The following LARGE2 variants were observed in gnomAD, a reference collection of about 807,000 sequenced individuals.
LARGE2 encodes LARGE xylosyl- and glucuronyltransferase 2.
LARGE2 carries 63 observed loss-of-function variants against 75.3 expected under a neutral mutation model. That is an observed-to-expected ratio of 0.84 (90% CI 0.68 to 1.03). LARGE2 has a LOEUF of 1.03. Ranked by LOEUF, LARGE2 falls within the 50% of genes least tolerant of loss-of-function variation. The pLI, the probability that LARGE2 is intolerant of heterozygous loss-of-function variation, is 0.00. For synonymous variants in LARGE2, 428 were observed against 420.1 expected, an observed-to-expected ratio of 1.02 and a Z score of -0.23; for missense variants, 925 against 980.6, an observed-to-expected ratio of 0.94 and a Z score of 0.76.
Position 45,923,555 on chromosome 11 carries a change from G to A in LARGE2, c.368G>A (p.Arg123Lys). ...ITLVKSMLFY[R>K]KNPLHLHLVT... is the part of the protein sequence containing the mutation. Reference sequence around the variant, plus strand: ...CTGGTGAAGTCCATGCTCTTCTACAGGTACAGCCAGGTGTCCGTGGAGGAG... The same window carrying A: ...CTGGTGAAGTCCATGCTCTTCTACAAGTACAGCCAGGTGTCCGTGGAGGAG... Residue 123 changes from arginine (R) to lysine (K), a missense_variant and splice_region_variant, in exon 3 of 14, where the codon AGG becomes AAG. Coordinates refer to ENST00000401752, the MANE Select transcript of LARGE2 (RefSeq NM_001300721.2). The A allele has an allele frequency of 6.2e-7, 1 of 1,613,572 alleles. No individual in the cohort carries two copies.
At position 45,926,154 on chromosome 11, in the gene LARGE2, C is replaced by CT. The variant is rs2087133360; in HGVS notation, c.882+4dup. 6.3e-7 allele frequency: 1 copy of CT among 1,595,552 alleles called. No individual in the cohort carries two copies. The highest frequency in any genetic ancestry group is 2.3e-5 in the East Asian group (1 of 43,714). On this transcript the variant is annotated splice_donor_region_variant and intron_variant, in intron 7 of 13. Transcript: ENST00000401752. Reference sequence around the variant, plus strand: ...CTGCCACCTCACTGGCTGACCAGGTCTGAGGAAGCCTTGCCGGGTGGGGTG... The same window carrying CT: ...CTGCCACCTCACTGGCTGACCAGGTCTTGAGGAAGCCTTGCCGGGTGGGGTG...
chr11:45,923,495 G>A lies in LARGE2; in HGVS notation c.308G>A (p.Cys103Tyr). ...KCELLHVAIV[C>Y]AGHNSSRDVI... ...CAGCTCTTGCATGTGGCCATCGTGT[G>A]TGCGGGGCATAACTCCAGCCGAGAC... Residue 103 changes from cysteine to tyrosine, a missense_variant, in exon 3 of 14, where the codon TGT becomes TAT. By Grantham distance (194) the Cys-to-Tyr change is radical (BLOSUM62 -2). Coordinates refer to ENST00000401752, the MANE Select transcript of LARGE2 (RefSeq NM_001300721.2). 6.2e-7 allele frequency: 1 copy of A among 1,613,846 alleles called. No individual in the cohort carries two copies. The highest frequency in any genetic ancestry group is 8.5e-7 in the Non-Finnish European group (1 of 1,180,004).
In LARGE2 at chr11:45,924,494, T is replaced by C; in HGVS notation, c.493-12T>C. On this transcript the variant is annotated splice_polypyrimidine_tract_variant and intron_variant, in intron 4 of 13. Coordinates refer to ENST00000401752, the MANE Select transcript of LARGE2 (RefSeq NM_001300721.2). Reference sequence around the variant, plus strand: ...TCTCTGCCATCTCATCTCCTGCCTTTCCCCCACACAGCCCCAGGTCTCCTG... The same window carrying C: ...TCTCTGCCATCTCATCTCCTGCCTTCCCCCCACACAGCCCCAGGTCTCCTG... 1 of 1,608,644 alleles carries C rather than the reference T, an allele frequency of 6.2e-7. No individual in the cohort carries two copies. The highest frequency in any genetic ancestry group is 8.5e-7 in the Non-Finnish European group (1 of 1,176,746).
chr11:45,923,240 G>A (rs1323526813), intron 2 of LARGE2, 73 bp downstream of exon 2: 1 of 1,303,332 alleles, frequency 7.7e-7, no homozygotes, highest in Admixed American at 3.9e-5. Context: ...GGACATCTGC[G>A]GGAATCACAG....
Position 45,926,083 on chromosome 11 carries a change from G to A in LARGE2, c.814G>A (p.Glu272Lys), listed in dbSNP as rs1376896085. Residue 272 changes from glutamate to lysine, a missense_variant, in exon 7 of 14, where the codon GAG becomes AAG. Physicochemically the swap from Glu to Lys is moderately conservative, Grantham distance 56. Around this residue, in one of 3 missense-constraint regions of LARGE2, gnomAD observed 453 missense variants for 460.2 expected, o/e 0.98. Transcript: ENST00000401752. Reference sequence around the variant, plus strand: ...GGACCGGCTCCGGCAGGCTGGCTGGGAGCAGATGTGGAGGCTGACAGCCAG... The same window carrying A: ...GGACCGGCTCCGGCAGGCTGGCTGGAAGCAGATGTGGAGGCTGACAGCCAG... ...RLDRLRQAGW[E>K]QMWRLTARRE... is the part of the protein sequence containing the mutation. 5 of 1,562,056 alleles carry A rather than the reference G, an allele frequency of 3.2e-6. No individual in the cohort carries two copies. Among genetic ancestry groups the A allele is most frequent in the Non-Finnish European group, 4.3e-6 (5 of 1,153,578 alleles).
intron 2 of LARGE2, 21 bp from the exon 3 acceptor site, chr11:45,923,452 G>C (rs974882581): frequency 1.2e-6 from 2 of 1,610,914 alleles, no homozygotes; most frequent in South Asian, 1.1e-5. Context: ...GGCTGCTGCC[G>C]ACCTGGGCGT....
In LARGE2 at chr11:45,923,129, G is replaced by C; in HGVS notation, c.247G>C (p.Asp83His). 3 of 1,360,450 alleles carry C rather than the reference G, an allele frequency of 2.2e-6. No individual in the cohort carries two copies. The highest frequency in any genetic ancestry group is 2.8e-6 in the Non-Finnish European group (3 of 1,065,206). The allele number at this position is 1,360,450 out of a possible 1,614,324, so 84.3% of individuals were successfully genotyped here. The change falls in exon 2 of 14, where the codon GAC (aspartate) becomes CAC (histidine). Residue 83 changes from aspartate (D) to histidine (H), a missense_variant. Physicochemically the swap from Asp to His is moderately conservative, Grantham distance 81 (BLOSUM62 -1). Coordinates refer to ENST00000401752, the MANE Select transcript of LARGE2 (RefSeq NM_001300721.2). ...CGGCCCCGGGGACCACAACCGCTCCGACTGCGGCCCGCAGCCGCCGCCGCC... is the reference window on the plus strand; with the variant it reads ...CGGCCCCGGGGACCACAACCGCTCCCACTGCGGCCCGCAGCCGCCGCCGCC... ...GAGPGDHNRS[D>H]CGPQPPPPPK...
In LARGE2 at chr11:45,926,364, G is replaced by T. The variant is rs1429089864; in HGVS notation, c.1008+17G>T. 2 of 1,614,026 alleles carry T rather than the reference G, an allele frequency of 1.2e-6. No homozygotes were observed. Among genetic ancestry groups the T allele is most frequent in the Non-Finnish European group, 1.7e-6 (2 of 1,179,994 alleles). ...GACCTCAAGGTGAGTGGGACAAGAG[G>T]CTGTGTGGTGGTGGGGGGCCATGGA... is the stretch of plus-strand genomic sequence containing the variant. On this transcript the variant is annotated intron_variant, in intron 8 of 13. Coordinates refer to ENST00000401752, the MANE Select transcript of LARGE2 (RefSeq NM_001300721.2).
chr11:45,924,593 C>G lies in LARGE2; in HGVS notation c.580C>G (p.Leu194Val), dbSNP rs887768124. 6.2e-7 allele frequency: 1 copy of G among 1,614,112 alleles called. No homozygotes were observed. Among genetic ancestry groups the G allele is most frequent in the Non-Finnish European group, 8.5e-7 (1 of 1,180,030 alleles). The change falls in exon 5 of 14, where the codon CTG (leucine) becomes GTG (valine). Residue 194 changes from leucine to valine, a missense_variant. Coordinates refer to ENST00000401752, the MANE Select transcript of LARGE2 (RefSeq NM_001300721.2). ...LVLPSALPAE[L>V]ARVIVLDTDV... ...GCTGCCCAGTGCCTTGCCTGCTGAG[C>G]TGGCCCGCGTCATTGTCCTGGACAC...
chr11:45,923,137 C>T lies in LARGE2; in HGVS notation c.255C>T (p.Gly85=). ...GPGDHNRSDC[G]PQPPPPPKCE... is the part of the protein sequence containing the mutation. ...GGGACCACAACCGCTCCGACTGCGG[C>T]CCGCAGCCGCCGCCGCCGCCCAAGT... is the stretch of plus-strand genomic sequence containing the variant. The change falls in exon 2 of 14, where the codon GGC becomes GGT. Residue 85 remains glycine, a synonymous_variant. Coordinates refer to ENST00000401752, the MANE Select transcript of LARGE2 (RefSeq NM_001300721.2). 7.4e-7 allele frequency: 1 copy of T among 1,351,344 alleles called. No homozygotes were observed. The highest frequency in any genetic ancestry group is 9.4e-7 in the Non-Finnish European group (1 of 1,060,440). 83.7% of individuals were successfully genotyped at this position (1,351,344 alleles called of 1,614,324 possible).
Position 45,928,273 on chromosome 11 carries a change from A to G in LARGE2, c.1851A>G (p.Glu617=), listed in dbSNP as rs1286380682. The G allele has an allele frequency of 2.0e-5, 32 of 1,613,654 alleles. No individual in the cohort carries two copies. Among genetic ancestry groups the G allele is most frequent in the Non-Finnish European group, 2.7e-5 (32 of 1,179,958 alleles). Residue 617 remains glutamate (E), a synonymous_variant, in exon 13 of 14, where the codon GAA becomes GAG. Coordinates refer to ENST00000401752, the MANE Select transcript of LARGE2 (RefSeq NM_001300721.2). The part of the protein sequence containing the change: ...PYRVQWAANY[E]PYVVVPRDCP... ...GTGTGCAATGGGCGGCCAACTATGA[A>G]CCCTACGTGGTGGTGCCACGAGACT...
intron 3 of LARGE2, among the ~76,000 whole-genome samples, chr11:45,923,768 C>T (rs2134720461): frequency 6.6e-6 from 1 of 151,880 alleles, no homozygotes; most frequent in South Asian, 2.1e-4. Flanking sequence ...GGGCGGATCA[C>T]GAGGTCAGGA....
At chr11:45,923,212 C>T (rs1298568794) in intron 2 of LARGE2, 45 bp downstream of exon 2, 19 of 1,318,120 alleles carry the variant, frequency 1.4e-5, no homozygotes, top group Middle Eastern at 2.8e-4. Context: ...GGGGCGCCGC[C>T]CCCGAGCCCG....
chr11:45,923,110 C>A lies in LARGE2; in HGVS notation c.228C>A (p.Pro76=). The A allele has an allele frequency of 7.2e-7, 1 of 1,392,582 alleles. No individual in the cohort carries two copies. The allele number at this position is 1,392,582 out of a possible 1,614,324, so 86.3% of individuals were successfully genotyped here. A position where few individuals can be genotyped will look rare whatever the true frequency, so the allele number is the denominator to read the frequency against. ...AALDGDPGAG[P]GDHNRSDCGP... ...TCGACGGAGACCCGGGGGCCGGCCC[C>A]GGGGACCACAACCGCTCCGACTGCG... The change falls in exon 2 of 14, where the codon CCC becomes CCA. Residue 76 remains proline (P), a synonymous_variant. Coordinates refer to ENST00000401752, the MANE Select transcript of LARGE2 (RefSeq NM_001300721.2).
Position 45,923,021 on chromosome 11 carries a change from T to C in LARGE2, c.139T>C (p.Cys47Arg). The C allele has an allele frequency of 3.6e-6, 5 of 1,372,874 alleles. No homozygotes were observed. Among genetic ancestry groups the C allele is most frequent in the South Asian group, 1.7e-5 (1 of 60,266 alleles). The allele number at this position is 1,372,874 out of a possible 1,614,324, so 85.0% of individuals were successfully genotyped here. A position where few individuals can be genotyped will look rare whatever the true frequency, so the allele number is the denominator to read the frequency against. The change falls in exon 2 of 14, where the codon TGC becomes CGC. Residue 47 changes from cysteine (C) to arginine (R), a missense_variant. Cys to Arg is a radical substitution (Grantham distance 180, BLOSUM62 -3). This residue lies in a region of LARGE2 where 453 missense variants were observed against 460.2 expected (regional missense o/e 0.98). Transcript: ENST00000401752. ...EPGGRAGAPG[C>R]FPGPLMPRVP... ...TGGCGGGCGAGCGGGGGCCCCGGGA[T>C]GCTTCCCCGGCCCGCTCATGCCACG...
At position 45,926,072 on chromosome 11, in the gene LARGE2, A is replaced by T; in HGVS notation, c.803A>T (p.Gln268Leu). Residue 268 changes from glutamine to leucine, a missense_variant, in exon 7 of 14, where the codon CAG becomes CTG. Physicochemically the swap from Gln to Leu is moderately radical, Grantham distance 113. Around this residue, in one of 3 missense-constraint regions of LARGE2, gnomAD observed 453 missense variants for 460.2 expected, o/e 0.98. Transcript: ENST00000401752. ...CTGCTGCGGCTGGACCGGCTCCGGCAGGCTGGCTGGGAGCAGATGTGGAGG... is the reference window on the plus strand; with the variant it reads ...CTGCTGCGGCTGGACCGGCTCCGGCTGGCTGGCTGGGAGCAGATGTGGAGG... ...VILLRLDRLR[Q>L]AGWEQMWRLT... The T allele has an allele frequency of 1.3e-6, 2 of 1,559,732 alleles. No homozygotes were observed. The highest frequency in any genetic ancestry group is 1.2e-5 in the South Asian group (1 of 84,892).
rs973955006 is a variant in LARGE2 at position 45,923,142 on chromosome 11, A to AGAC, written c.261_262insACG (p.Gln87_Pro88insThr). 9.9e-5 allele frequency: 133 copies of AGAC among 1,346,892 alleles called. No individual in the cohort carries two copies. The highest frequency in any genetic ancestry group is 1.2e-4 in the Non-Finnish European group (126 of 1,058,196). 83.4% of individuals were successfully genotyped at this position (1,346,892 alleles called of 1,614,324 possible). ...CACAACCGCTCCGACTGCGGCCCGC[A>AGAC]GCCGCCGCCGCCGCCCAAGTGCGAG... On this transcript the variant is annotated inframe_insertion, in exon 2 of 14. Transcript: ENST00000401752.
chr11:45,923,134 C>A lies in LARGE2; in HGVS notation c.252C>A (p.Cys84Ter). ...AGPGDHNRSD[C>*]GPQPPPPPKC... is the part of the protein sequence containing the mutation. ...CCGGGGACCACAACCGCTCCGACTG[C>A]GGCCCGCAGCCGCCGCCGCCGCCCA... Residue 84 changes from cysteine to a stop codon, truncating the protein, a stop_gained, in exon 2 of 14, where the codon TGC (cysteine) becomes TGA (stop). Coordinates refer to ENST00000401752, the MANE Select transcript of LARGE2 (RefSeq NM_001300721.2). LOFTEE classifies it high-confidence loss of function. The A allele has an allele frequency of 7.4e-7, 1 of 1,353,916 alleles. No homozygotes were observed. The highest frequency in any genetic ancestry group is 1.9e-5 in the South Asian group (1 of 54,038). 83.9% of individuals were successfully genotyped at this position (1,353,916 alleles called of 1,614,324 possible).
At position 45,926,581 on chromosome 11, in the gene LARGE2, C is replaced by CT; in HGVS notation, c.1148_1149insT (p.Pro384ThrfsTer4). The CT allele has an allele frequency of 6.2e-7, 1 of 1,614,136 alleles. No homozygotes were observed. The highest frequency in any genetic ancestry group is 8.5e-7 in the Non-Finnish European group (1 of 1,180,036). The stretch of plus-strand genomic sequence containing the variant: ...CTCTTTGTGTGCCCCAGCCAGCCCC[C>CT]ACCTGGTGCTGAGCAGGTGAGAAGG... On this transcript the variant is annotated frameshift_variant, in exon 9 of 14. Transcript: ENST00000401752. LOFTEE classifies it high-confidence loss of function.
Sources: allele counts gnomAD v4.1 joint callset (sites outside exome capture counted in the v4.1 genomes callset), GRCh38; gene constraint gnomAD v4.1.1; regional missense constraint gnomAD v4.1.1; transcripts MANE v1.5; gene names NCBI Gene and HGNC (gene_info 2026-07-23, HGNC 2026-07-21).